POLR3B: variants seen among roughly 807,000 people sequenced by gnomAD.
The protein encoded by POLR3B is RNA polymerase III subunit B, also known as DNA-directed RNA polymerase III subunit RPC2.
POLR3B carries 96 observed loss-of-function variants against 147.4 expected under a neutral mutation model. The observed-to-expected ratio is 0.65, with a 90% CI of 0.55 to 0.77. The LOEUF (loss-of-function observed/expected upper bound fraction) is 0.77, where lower values mean the gene tolerates loss of function less well. Among genes scored for constraint, POLR3B ranks in the 30% least tolerant of loss-of-function variants. The pLI, the probability that POLR3B is intolerant of heterozygous loss-of-function variation, is 0.00. For missense variants in POLR3B, 1,036 were observed against 1,413.5 expected, an observed-to-expected ratio of 0.73 and a Z score of 4.28; for synonymous variants, 461 against 485.9, an observed-to-expected ratio of 0.95 and a Z score of 0.67.
At chr12:106,377,463 ATTAC>A (rs2036697128) in intron 7 of POLR3B, among the ~76,000 whole-genome samples, 1 of 152,224 alleles carries the variant, frequency 6.6e-6, no homozygotes, top group Non-Finnish European at 1.5e-5. Context: ...AAAATGAAGT[ATTAC>A]TTTATCCTAC....
chr12:106,489,494 TTTA>T (rs1286720244), intron 23 of POLR3B, among the ~76,000 whole-genome samples: 1 of 152,190 alleles, frequency 6.6e-6, no homozygotes, highest in African/African-American at 2.4e-5. Context: ...GCAGAATTAA[TTTA>T]TTAAGATTTT....
In POLR3B at chr12:106,432,385, T is replaced by C. The variant is rs1183311638; in HGVS notation, c.1532T>C (p.Ile511Thr). ...HITTDMEDGP[I>T]VKLASNLGVE... Reference sequence around the variant, plus strand: ...ACAACTGATATGGAAGATGGACCCATTGTTAAATTAGCCAGTAACTTGGGA... The same window carrying C: ...ACAACTGATATGGAAGATGGACCCACTGTTAAATTAGCCAGTAACTTGGGA... The change falls in exon 15 of 28, where the codon ATT becomes ACT. Residue 511 changes from isoleucine (I) to threonine (T), a missense_variant. By Grantham distance (89) the Ile-to-Thr change is moderately conservative. This residue lies in a region of POLR3B where 177 missense variants were observed against 232.7 expected (regional missense o/e 0.76). Transcript: ENST00000228347. The C allele has an allele frequency of 1.2e-6, 2 of 1,613,568 alleles. No homozygotes were observed. The highest frequency in any genetic ancestry group is 1.7e-6 in the Non-Finnish European group (2 of 1,179,510).
chr12:106,496,107 C>G lies in POLR3B; in HGVS notation c.2766C>G (p.Gly922=). ...AAGACATGCCATTTTGTGATTCTGGCATCTGTCCGGACATCATCATGAACC... is the reference window on the plus strand; with the variant it reads ...AAGACATGCCATTTTGTGATTCTGGGATCTGTCCGGACATCATCATGAACC... ...PQEDMPFCDS[G]ICPDIIMNPH... Residue 922 remains glycine, a synonymous_variant, in exon 24 of 28, where the codon GGC becomes GGG. Transcript: ENST00000228347. 7 of 1,613,068 alleles carry G rather than the reference C, an allele frequency of 4.3e-6. 1 individual carries two copies. The highest frequency in any genetic ancestry group is 5.9e-6 in the Non-Finnish European group (7 of 1,178,992).
intron 23 of POLR3B, among the ~76,000 whole-genome samples, chr12:106,491,940 T>C (rs1278705055): frequency 2.0e-5 from 3 of 152,140 alleles, no homozygotes; most frequent in African/African-American, 7.2e-5. Flanking sequence ...TAAATAAAAA[T>C]GTAAAAATTA....
chr12:106,464,340 A>G lies in POLR3B; in HGVS notation c.2713+720A>G, dbSNP rs80333037. On this transcript the variant is annotated intron_variant, in intron 23 of 27. Coordinates refer to ENST00000228347, the MANE Select transcript of POLR3B (RefSeq NM_018082.6). ...CAACAGCTAACACTTTTGTAGCACT[A>G]ACTGTGTGCCTGGCTGCGTTCTCAT... Among the ~76,000 whole-genome samples, 865 of 152,326 alleles carry G rather than the reference A, an allele frequency of 5.7e-3. 16 individuals carry two copies. The highest frequency in any genetic ancestry group is 0.05 in the East Asian group (259 of 5,188).
intron 19 of POLR3B, among the ~76,000 whole-genome samples, chr12:106,447,901 A>G (rs1252821010): frequency 6.6e-6 from 1 of 152,134 alleles, no homozygotes; most frequent in Admixed American, 6.5e-5. Flanking sequence ...TTTTATTCCT[A>G]AGTAGATAGT....
intron 2 of POLR3B, among the ~76,000 whole-genome samples, chr12:106,365,873 A>ATT (rs34013979): frequency 4.6e-5 from 6 of 131,476 alleles, no homozygotes; most frequent in South Asian, 4.6e-4. Flanking sequence ...AAAAAAAAAA[A>ATT]TTTTTTTTTT....
chr12:106,423,502 G>C (rs1245892097), intron 12 of POLR3B, among the ~76,000 whole-genome samples: 2 of 152,136 alleles, frequency 1.3e-5, no homozygotes, highest in Non-Finnish European at 2.9e-5. Flanking sequence ...AAGTCCAAAG[G>C]TCTGAGAGCC....
intron 12 of POLR3B, among the ~76,000 whole-genome samples, chr12:106,415,432 G>A (rs1209021865): frequency 6.6e-6 from 1 of 152,176 alleles, no homozygotes; most frequent in Non-Finnish European, 1.5e-5. Flanking sequence ...ACAGAGGGAT[G>A]ATGGTATGGT....
At chr12:106,486,574 C>T (rs1215909910) in intron 23 of POLR3B, among the ~76,000 whole-genome samples, 3 of 152,100 alleles carry the variant, frequency 2.0e-5, no homozygotes, top group South Asian at 4.1e-4. Context: ...TTTCTGTCTC[C>T]TCCTTAAGAT....
At chr12:106,450,599 T>A (rs573482616) in intron 19 of POLR3B, among the ~76,000 whole-genome samples, 1 of 152,256 alleles carries the variant, frequency 6.6e-6, no homozygotes, top group East Asian at 1.9e-4. Flanking sequence ...TGAAACTGTG[T>A]TCAGCATTAT....
chr12:106,384,287 CATT>C (rs2036804708), intron 9 of POLR3B, among the ~76,000 whole-genome samples: 1 of 152,198 alleles, frequency 6.6e-6, no homozygotes, highest in African/African-American at 2.4e-5. Flanking sequence ...ATACTATACA[CATT>C]CAGTGAACAG....
chr12:106,421,978 G>A (rs1296040507), intron 12 of POLR3B, among the ~76,000 whole-genome samples: 11 of 152,306 alleles, frequency 7.2e-5, no homozygotes, highest in African/African-American at 9.6e-5. Context: ...AGGATTACAG[G>A]CATGAGCCAC....
At chr12:106,484,344 A>G (rs1311199311) in intron 23 of POLR3B, among the ~76,000 whole-genome samples, 4 of 152,146 alleles carry the variant, frequency 2.6e-5, no homozygotes, top group Admixed American at 2.0e-4. Context: ...TATATTGTTG[A>G]TTAATTCATC....
chr12:106,476,868 C>G (rs1166522643), intron 23 of POLR3B, among the ~76,000 whole-genome samples: 1 of 152,088 alleles, frequency 6.6e-6, no homozygotes, highest in African/African-American at 2.4e-5. Context: ...TCTCTCAGCT[C>G]GTCAAAATCA....
Position 106,499,865 on chromosome 12 carries a change from G to A in POLR3B, c.2985-1458G>A, listed in dbSNP as rs564996338. 4.6e-5 allele frequency among the ~76,000 whole-genome samples: 7 copies of A among 152,328 alleles called. No individual in the cohort carries two copies. The South Asian group carries it at 1.2e-3, about 27-fold the overall frequency. ...TGGCCTGATGACCACAAAAGCCTTG[G>A]CTCAGGATGCTGAGAGTGTGATCAG... On this transcript the variant is annotated intron_variant, in intron 25 of 27. Transcript: ENST00000228347.
chr12:106,450,946 A>G (rs1196970118), intron 19 of POLR3B, among the ~76,000 whole-genome samples: 1 of 152,226 alleles, frequency 6.6e-6, no homozygotes, highest in Non-Finnish European at 1.5e-5. Flanking sequence ...CGATGCAAAT[A>G]TTCATCAGCA....
intron 12 of POLR3B, among the ~76,000 whole-genome samples, chr12:106,411,630 A>G (rs1438260496): frequency 1.3e-5 from 2 of 152,120 alleles, no homozygotes; most frequent in Non-Finnish European, 2.9e-5. Flanking sequence ...TAAGACAGAC[A>G]AAAGCCCCTT....
intron 27 of POLR3B, among the ~76,000 whole-genome samples, chr12:106,505,457 T>G (rs76480240): frequency 0.013 from 2,041 of 151,954 alleles, 43 homozygotes; most frequent in African/African-American, 0.045. Flanking sequence ...CTGACTAACT[T>G]TTGTATGTTT....
Sources: allele counts gnomAD v4.1 joint callset (sites outside exome capture counted in the v4.1 genomes callset), GRCh38; gene constraint gnomAD v4.1.1; regional missense constraint gnomAD v4.1.1; transcripts MANE v1.5; gene names NCBI Gene and HGNC (gene_info 2026-07-23, HGNC 2026-07-21).